Variants in LONP1 observed in about 807,000 individuals in gnomAD.
The protein encoded by LONP1 is lon protease homolog, mitochondrial.
A neutral mutation model predicts 98.5 loss-of-function variants in LONP1; 31 were observed. The ratio of observed to expected loss-of-function variants is 0.31; its 90% CI spans 0.24 to 0.42. LONP1 has a LOEUF of 0.42. LONP1 is among the 20% of genes least tolerant of loss of function. The pLI is 1.00. For missense variants in LONP1, 1,336 were observed against 1,350.6 expected (o/e 0.99, Z 0.17); for synonymous variants, 781 against 594.7 (o/e 1.31, Z -4.56).
rs930559569 is a variant in LONP1 at position 5,699,297 on chromosome 19, G to A, written c.1507-92C>T. ...GCCACCTGCACACTGCCTTTCAGAC[G>A]TCTGAGGGCTGCGAGAAGGGACCAG... On this transcript the variant is annotated intron_variant, in intron 9 of 17. Transcript: ENST00000360614. 34 of 1,068,652 alleles carry A rather than the reference G, an allele frequency of 3.2e-5. No individual in the cohort carries two copies. The East Asian group carries it at 6.9e-4, about 22-fold the overall frequency. 66.2% of individuals were successfully genotyped at this position (1,068,652 alleles called of 1,614,324 possible).
At chr19:5,699,807 C>T (rs1464778079) in intron 9 of LONP1, among the ~76,000 whole-genome samples, 2 of 152,018 alleles carry the variant, frequency 1.3e-5, no homozygotes, top group African/African-American at 4.8e-5. Flanking sequence ...ATCCACCCGC[C>T]TCGGCCTCCC....
In LONP1 at chr19:5,693,579, G is replaced by C. The variant is rs754854745; in HGVS notation, c.2511C>G (p.Thr837=). The change falls in exon 16 of 18, where the codon ACC becomes ACG. Residue 837 remains threonine (T), a synonymous_variant. Coordinates refer to ENST00000360614, the MANE Select transcript of LONP1 (RefSeq NM_004793.4). ...QHAPANDYLV[T]SHIHLHVPEG... is the part of the protein sequence containing the mutation. The stretch of plus-strand genomic sequence containing the variant: ...CGGGCACATGCAGGTGGATGTGTGA[G>C]GTCACCAGGTAGTCATTGGCGGGGG... 13 of 1,614,018 alleles carry C rather than the reference G, an allele frequency of 8.1e-6. No individual in the cohort carries two copies. The highest frequency in any genetic ancestry group is 1.7e-5 in the Admixed American group (1 of 59,996).
In LONP1 at chr19:5,713,161, A is replaced by T. The variant is rs1478140887; in HGVS notation, c.611T>A (p.Leu204Gln). The T allele has an allele frequency of 6.2e-7, 1 of 1,613,846 alleles. No homozygotes were observed. The highest frequency in any genetic ancestry group is 1.3e-5 in the African/African-American group (1 of 74,942). Residue 204 changes from leucine to glutamine, a missense_variant, in exon 3 of 18, where the codon CTG becomes CAG. Leu to Gln is a moderately radical substitution (Grantham distance 113). This residue lies in a region of LONP1 where 457 missense variants were observed against 403.1 expected (regional missense o/e 1.13). Coordinates refer to ENST00000360614, the MANE Select transcript of LONP1 (RefSeq NM_004793.4). Reference protein sequence around the residue: ...IHEMQDLGDKLRMIVMGHRRV... With the variant: ...IHEMQDLGDKQRMIVMGHRRV... ...TCTGTGTCCCATGACGATCATGCGC[A>T]GCTTGTCCCCAAGGTCCTGCATCTC... is the stretch of plus-strand genomic sequence containing the variant.
intron 17 of LONP1, among the ~76,000 whole-genome samples, chr19:5,692,984 C>T (rs1464840233): frequency 1.3e-5 from 2 of 152,012 alleles, no homozygotes; most frequent in Non-Finnish European, 2.9e-5. Flanking sequence ...CCCCCGCCAC[C>T]AGTAATCCTA....
Position 5,705,902 on chromosome 19 carries a change from C to T in LONP1, c.1237G>A (p.Asp413Asn), listed in dbSNP as rs2055137671. 4 of 1,614,008 alleles carry T rather than the reference C, an allele frequency of 2.5e-6. No individual in the cohort carries two copies. Among genetic ancestry groups the T allele is most frequent in the African/African-American group, 1.3e-5 (1 of 74,948 alleles). The change falls in exon 8 of 18, where the codon GAC (aspartate) becomes AAC (asparagine). Residue 413 changes from aspartate (D) to asparagine (N), a missense_variant. Physicochemically the swap from Asp to Asn is conservative, Grantham distance 23 (BLOSUM62 1). Coordinates refer to ENST00000360614, the MANE Select transcript of LONP1 (RefSeq NM_004793.4). ...IKKELGLEKD[D>N]KDAIEEKFRE... is the part of the protein sequence containing the mutation. Reference sequence around the variant, plus strand: ...AACTTCTCCTCGATGGCATCCTTGTCGTCCTTCTCCAGGCCCAGCTCCTTC... The same window carrying T: ...AACTTCTCCTCGATGGCATCCTTGTTGTCCTTCTCCAGGCCCAGCTCCTTC...
chr19:5,707,558 G>A (rs2055166725), intron 6 of LONP1, 139 bp downstream of exon 6: 1 of 851,678 alleles, frequency 1.2e-6, no homozygotes, highest in Non-Finnish European at 1.9e-6. Flanking sequence ...AGCTGGGTGT[G>A]GATGGTGCAC....
chr19:5,712,127 G>A, intron 3 of LONP1, 125 bp from the exon 4 acceptor site: 1 of 744,584 alleles, frequency 1.3e-6, no homozygotes, highest in Admixed American at 2.9e-5. Flanking sequence ...GAGCCACAGG[G>A]TGGCTACAGG....
intron 6 of LONP1, 64 bp from the exon 7 acceptor site, chr19:5,707,207 GT>G (rs1169800045): frequency 5.3e-5 from 74 of 1,391,290 alleles, no homozygotes; most frequent in Non-Finnish European, 7.5e-5. Context: ...TAGGGCCGAG[GT>G]TGGGGGAAAA....
intron 8 of LONP1, among the ~76,000 whole-genome samples, chr19:5,704,314 C>T (rs2055108658): frequency 6.6e-6 from 1 of 152,218 alleles, no homozygotes; most frequent in Non-Finnish European, 1.5e-5. Context: ...GTGTAAGGCA[C>T]TAAGTTGTGG....
intron 8 of LONP1, among the ~76,000 whole-genome samples, chr19:5,702,358 G>A (rs989667881): frequency 1.4e-5 from 2 of 148,028 alleles, no homozygotes; most frequent in African/African-American, 5.0e-5. Flanking sequence ...GGAGGTGGGG[G>A]GGTCAGCCCC....
Position 5,705,776 on chromosome 19 carries a change from A to G in LONP1, c.1363T>C (p.Phe455Leu), listed in dbSNP as rs750894412. The G allele has an allele frequency of 1.2e-6, 2 of 1,613,488 alleles. No individual in the cohort carries two copies. The highest frequency in any genetic ancestry group is 3.3e-5 in the Admixed American group (2 of 59,990). The change falls in exon 8 of 18, where the codon TTC becomes CTC. Residue 455 changes from phenylalanine (F) to leucine (L), a missense_variant. By Grantham distance (22) the Phe-to-Leu change is conservative (BLOSUM62 0). Transcript: ENST00000360614. Reference protein sequence around the residue: ...LGLLDNHSSEFNVTRNYLDWL... With the variant: ...LGLLDNHSSELNVTRNYLDWL... ...CGCCCCGGGCCTGGCACTCACTTGA[A>G]CTCCGAGGAGTGGTTGTCCAGCAGG...
chr19:5,698,315 G>A (rs924932658), intron 10 of LONP1, among the ~76,000 whole-genome samples: 10 of 152,208 alleles, frequency 6.6e-5, no homozygotes, highest in Non-Finnish European at 1.5e-4. Flanking sequence ...GGACTCAAGT[G>A]AATGCCTTGC....
chr19:5,701,161 A>G (rs541002738), intron 8 of LONP1, among the ~76,000 whole-genome samples: 1 of 152,210 alleles, frequency 6.6e-6, no homozygotes, highest in African/African-American at 2.4e-5. Context: ...AAAACAATTT[A>G]CAGGCCAGGC....
In LONP1 at chr19:5,705,269, C is replaced by G. The variant is rs374149469; in HGVS notation, c.1367+503G>C. Among the ~76,000 whole-genome samples the G allele has an allele frequency of 2.3e-3, 344 of 151,988 alleles. 3 individuals are homozygous for G. Among genetic ancestry groups the G allele is most frequent in the South Asian group, 9.9e-3 (48 of 4,826 alleles). On this transcript the variant is annotated intron_variant, in intron 8 of 17. Coordinates refer to ENST00000360614, the MANE Select transcript of LONP1 (RefSeq NM_004793.4). Reference sequence around the variant, plus strand: ...GTCAGGAGTTCGAGACCAGCCTGAACAACATGGTGAAACCCCATGTCTCCT... The same window carrying G: ...GTCAGGAGTTCGAGACCAGCCTGAAGAACATGGTGAAACCCCATGTCTCCT...
intron 13 of LONP1, among the ~76,000 whole-genome samples, chr19:5,695,631 A>C (rs1166889849): frequency 1.3e-5 from 2 of 152,124 alleles, no homozygotes; most frequent in Admixed American, 1.3e-4. Context: ...GCAGAAAAAA[A>C]AACACATGAG....
At chr19:5,698,145 T>G (rs2054975971) in intron 10 of LONP1, among the ~76,000 whole-genome samples, 1 of 112,484 alleles carries the variant, frequency 8.9e-6, no homozygotes, top group South Asian at 3.2e-4. Context: ...TCCTCCCAAC[T>G]CCCGGCTGGT....
chr19:5,696,574 T>A, intron 11 of LONP1, 96 bp downstream of exon 11: 2 of 1,367,366 alleles, frequency 1.5e-6, no homozygotes, highest in Non-Finnish European at 2.0e-6. Context: ...CGATGGCCCC[T>A]GAGTTGGCTC....
In LONP1 at chr19:5,696,257, A is replaced by C; in HGVS notation, c.1888T>G (p.Leu630Val). ...CCAGACAGGCCCCCCACCTTGGACA[A>C]GTCCACGGGCACGTCCAGGTAGTGG... The part of the protein sequence containing the change: ...LDHYLDVPVD[L>V]SKVLFICTAN... Residue 630 changes from leucine (L) to valine (V), a missense_variant, in exon 12 of 18, where the codon TTG becomes GTG. Physicochemically the swap from Leu to Val is conservative, Grantham distance 32. Around this residue, in one of 5 missense-constraint regions of LONP1, gnomAD observed 555 missense variants for 542.6 expected, o/e 1.02. Coordinates refer to ENST00000360614, the MANE Select transcript of LONP1 (RefSeq NM_004793.4). 1 of 1,613,260 alleles carries C rather than the reference A, an allele frequency of 6.2e-7. No individual in the cohort carries two copies. Among genetic ancestry groups the C allele is most frequent in the Non-Finnish European group, 8.5e-7 (1 of 1,179,840 alleles).
chr19:5,702,762 G>A (rs927829149), intron 8 of LONP1, among the ~76,000 whole-genome samples: 4 of 151,614 alleles, frequency 2.6e-5, no homozygotes, highest in African/African-American at 4.8e-5. Context: ...TCCACTCAGG[G>A]TTAAATGGAT....
Sources: allele counts gnomAD v4.1 joint callset (sites outside exome capture counted in the v4.1 genomes callset), GRCh38; gene constraint gnomAD v4.1.1; regional missense constraint gnomAD v4.1.1; transcripts MANE v1.5; gene names NCBI Gene and HGNC (gene_info 2026-07-23, HGNC 2026-07-21).